The following NFIB variants were observed in gnomAD, a reference collection of about 807,000 sequenced individuals.
NFIB encodes the protein nuclear factor I B, also known as nuclear factor 1 B-type.
In NFIB, 11 loss-of-function variants were observed where a neutral mutation model predicts 61.5. The ratio of observed to expected loss-of-function variants is 0.18; its 90% CI spans 0.11 to 0.30. The LOEUF is 0.30. Ranked by LOEUF, NFIB falls within the 10% of genes least tolerant of loss-of-function variation. The pLI, the probability that NFIB is intolerant of heterozygous loss-of-function variation, is 1.00. For missense variants in NFIB, 471 were observed against 608.9 expected (o/e 0.77, Z 2.38); for synonymous variants, 260 against 216.5 (o/e 1.20, Z -1.76).
the NFIB span, among the ~76,000 whole-genome samples, chr9:14,453,820 C>A: frequency 6.6e-6 from 1 of 152,170 alleles, no homozygotes; most frequent in Non-Finnish European, 1.5e-5. Flanking sequence ...CGGTGGCTCA[C>A]ACCTGTAATC....
chr9:14,468,485 G>C, the NFIB span, among the ~76,000 whole-genome samples: 7 of 152,192 alleles, frequency 4.6e-5, no homozygotes, highest in Admixed American at 4.6e-4. Context: ...ACCCAGGTTG[G>C]GTAGAGGGGT....
At chr9:14,207,261 T>A (rs1041231657) in intron 2 of NFIB, among the ~76,000 whole-genome samples, 2 of 152,190 alleles carry the variant, frequency 1.3e-5, no homozygotes, top group Non-Finnish European at 2.9e-5. Flanking sequence ...CTTCCCAAAT[T>A]AGAGGTGTCA....
chr9:14,288,017 G>A (rs750042022), intron 2 of NFIB, among the ~76,000 whole-genome samples: 11 of 152,042 alleles, frequency 7.2e-5, no homozygotes, highest in Admixed American at 1.3e-4. Context: ...TAAACTGGAT[G>A]CAAAACTCAA....
At chr9:14,111,733 T>C (rs1427876933) in intron 10 of NFIB, among the ~76,000 whole-genome samples, 2 of 152,144 alleles carry the variant, frequency 1.3e-5, no homozygotes, top group East Asian at 3.9e-4. Flanking sequence ...AAACCACTAA[T>C]TATTATTATT....
chr9:14,355,022 T>G (rs2061158631), intron 1 of NFIB, among the ~76,000 whole-genome samples: 1 of 151,558 alleles, frequency 6.6e-6, no homozygotes, highest in Non-Finnish European at 1.5e-5. Flanking sequence ...CGACCCCTGC[T>G]TCAGGGATGG....
chr9:14,325,950 A>G (rs1426725994), intron 1 of NFIB, among the ~76,000 whole-genome samples: 8 of 152,186 alleles, frequency 5.3e-5, no homozygotes, highest in Non-Finnish European at 1.2e-4. Flanking sequence ...TTTTAATATA[A>G]ATTTGGAAAG....
At chr9:14,225,432 GGGC>G in intron 2 of NFIB, among the ~76,000 whole-genome samples, 1 of 127,288 alleles carries the variant, frequency 7.9e-6, no homozygotes, top group East Asian at 2.7e-4. Context: ...ACTCCAGCCT[GGGC>G]GACAGAGCGA....
chr9:14,330,228 C>G (rs1232765012), intron 1 of NFIB, among the ~76,000 whole-genome samples: 1 of 152,128 alleles, frequency 6.6e-6, no homozygotes, highest in Non-Finnish European at 1.5e-5. Flanking sequence ...CAAATATGCT[C>G]TAATTGATAA....
At chr9:14,303,116 C>T (rs772030667) in intron 2 of NFIB, among the ~76,000 whole-genome samples, 1 of 152,116 alleles carries the variant, frequency 6.6e-6, no homozygotes, top group African/African-American at 2.4e-5. Flanking sequence ...AACATGTATT[C>T]TGTTACACAT....
rs191004494 is a variant in NFIB, at chr9:14,239,531, T to C, written c.563-59751A>G. On this transcript the variant is annotated intron_variant, in intron 2 of 10. Coordinates refer to ENST00000380953, the MANE Select transcript of NFIB (RefSeq NM_001190737.2). ...ATCTAATACTACAAGTCACTTATTA[T>C]CTATGAAGGAAAACAGAAAGAGAAA... is the stretch of plus-strand genomic sequence containing the variant. 1.3e-4 allele frequency among the ~76,000 whole-genome samples: 20 copies of C among 152,226 alleles called. No individual in the cohort carries two copies. In the East Asian group the frequency reaches 3.9e-3, roughly 29 times the overall value.
At chr9:14,106,061 C>T (rs2118913515) in intron 10 of NFIB, among the ~76,000 whole-genome samples, 1 of 152,030 alleles carries the variant, frequency 6.6e-6, no homozygotes, top group Admixed American at 6.6e-5. Context: ...AAGTTCAAAG[C>T]TTTAAGAATG....
chr9:14,179,806 T>C (rs1181792045), intron 2 of NFIB, 26 bp from the exon 3 acceptor site: 1 of 1,610,016 alleles, frequency 6.2e-7, no homozygotes, highest in Non-Finnish European at 8.5e-7. Context: ...AGAAAATGTT[T>C]TCTTTTTAAT....
the NFIB span, among the ~76,000 whole-genome samples, chr9:14,483,289 T>C: frequency 6.6e-6 from 1 of 152,246 alleles, no homozygotes; most frequent in African/African-American, 2.4e-5. Context: ...CATTCTATTG[T>C]TACCACATCA....
chr9:14,398,107 G>A (rs1035887843), intron 1 of NFIB, among the ~76,000 whole-genome samples: 1 of 151,932 alleles, frequency 6.6e-6, no homozygotes, highest in Non-Finnish European at 1.5e-5. Context: ...TTTTTTAAGG[G>A]CTTAGAGTGG....
intron 6 of NFIB, among the ~76,000 whole-genome samples, chr9:14,137,947 G>A (rs1019549202): frequency 1.3e-5 from 2 of 151,990 alleles, no homozygotes; most frequent in African/African-American, 4.8e-5. Context: ...GAAGTTTCAT[G>A]CATTAAAAAA....
chr9:14,085,284 T>C lies in NFIB; in HGVS notation c.*3025A>G. 4.4e-6 allele frequency: 1 copy of C among 226,032 alleles called. No homozygotes were observed. The highest frequency in any genetic ancestry group is 5.7e-5 in the Admixed American group (1 of 17,500). 14.0% of individuals were successfully genotyped at this position (226,032 alleles called of 1,614,324 possible). ...CAGTTTATTTTATTAGGCCATGGCC[T>C]AGGGGAAGGGGGCCAGGGGACTCCT... On this transcript the variant is annotated 3_prime_UTR_variant, in exon 11 of 11. Transcript: ENST00000380953.
intron 1 of NFIB, among the ~76,000 whole-genome samples, chr9:14,349,273 G>A (rs1010096041): frequency 6.6e-6 from 1 of 152,180 alleles, no homozygotes; most frequent in Non-Finnish European, 1.5e-5. Context: ...AGTTCAGGCT[G>A]GGCCCTGGGG....
At chr9:14,132,724 C>T (rs1391503364) in intron 6 of NFIB, among the ~76,000 whole-genome samples, 2 of 152,088 alleles carry the variant, frequency 1.3e-5, no homozygotes, top group Admixed American at 6.5e-5. Flanking sequence ...CACGATCACA[C>T]CCAGCTAATT....
the NFIB span, among the ~76,000 whole-genome samples, chr9:14,501,696 A>G: frequency 6.6e-5 from 10 of 152,334 alleles, no homozygotes; most frequent in South Asian, 2.1e-4. Flanking sequence ...ATTTGCCCCA[A>G]TGCTTCTGTG....
Sources: allele counts gnomAD v4.1 joint callset (sites outside exome capture counted in the v4.1 genomes callset), GRCh38; gene constraint gnomAD v4.1.1; transcripts MANE v1.5; gene names NCBI Gene and HGNC (gene_info 2026-07-23, HGNC 2026-07-21).